Variants in PAXBP1 observed in about 807,000 individuals in gnomAD.
The protein encoded by PAXBP1 is PAX3- and PAX7-binding protein 1.
A neutral mutation model predicts 119.9 loss-of-function variants in PAXBP1; 44 were observed. The observed-to-expected ratio is 0.37, with a 90% confidence interval of 0.29 to 0.47. The LOEUF (loss-of-function observed/expected upper bound fraction) is 0.47, where lower values mean the gene tolerates loss of function less well. PAXBP1 is among the 20% of genes least tolerant of loss of function. The pLI is 0.99. For missense variants in PAXBP1, 898 were observed against 1,134.1 expected (o/e 0.79, Z 2.99); for synonymous variants, 393 against 406.6 (o/e 0.97, Z 0.40).
rs1401166971 is a variant in PAXBP1, at chr21:32,762,022, G to A, written c.871+74C>T. The A allele has an allele frequency of 4.7e-6, 7 of 1,492,330 alleles. No homozygotes were observed. In the African/African-American group the frequency reaches 8.3e-5, roughly 18 times the overall value. 92.4% of individuals were successfully genotyped at this position (1,492,330 alleles called of 1,614,324 possible). On this transcript the variant is annotated intron_variant, in intron 4 of 17. Transcript: ENST00000331923. Reference sequence around the variant, plus strand: ...ACCACTGCACTCTGGCCTAAGTGATGGAATGACACCCTGCCTTAAAACAAA... The same window carrying A: ...ACCACTGCACTCTGGCCTAAGTGATAGAATGACACCCTGCCTTAAAACAAA...
intron 2 of PAXBP1, among the ~76,000 whole-genome samples, chr21:32,768,113 G>A (rs1417987446): frequency 1.3e-5 from 2 of 152,098 alleles, no homozygotes; most frequent in African/African-American, 4.8e-5. Context: ...TAACAGGTGG[G>A]GCCCTTAAAT....
At chr21:32,754,113 T>G (rs1204861618) in intron 8 of PAXBP1, among the ~76,000 whole-genome samples, 1 of 152,192 alleles carries the variant, frequency 6.6e-6, no homozygotes, top group African/African-American at 2.4e-5. Context: ...AGGGCCGTAT[T>G]ACCATCTGTT....
At chr21:32,770,160 A>G (rs2044311060) in intron 1 of PAXBP1, among the ~76,000 whole-genome samples, 1 of 152,224 alleles carries the variant, frequency 6.6e-6, no homozygotes, top group Non-Finnish European at 1.5e-5. Context: ...TTTTTAAAGG[A>G]ATAGCACATG....
chr21:32,743,192 G>T (rs1027866070), intron 15 of PAXBP1, 56 bp downstream of exon 15: 1 of 1,285,986 alleles, frequency 7.8e-7, no homozygotes, highest in Non-Finnish European at 1.1e-6. Context: ...TCTAAAAAAT[G>T]TAATATATGA....
At chr21:32,748,881 G>A (rs1436107169) in intron 10 of PAXBP1, among the ~76,000 whole-genome samples, 183 bp from the exon 11 acceptor site, 4 of 152,192 alleles carry the variant, frequency 2.6e-5, no homozygotes, top group African/African-American at 9.7e-5. Context: ...TGTCTATTAT[G>A]TAAACTAAAG....
At chr21:32,756,446 T>G in intron 7 of PAXBP1, 6 of 488,198 alleles carry the variant, frequency 1.2e-5, no homozygotes, top group South Asian at 9.4e-5. Context: ...ACTTGCATGA[T>G]TCCATTGCAA....
chr21:32,768,025 T>C (rs2044272480), intron 2 of PAXBP1, among the ~76,000 whole-genome samples: 1 of 152,220 alleles, frequency 6.6e-6, no homozygotes, highest in Non-Finnish European at 1.5e-5. Flanking sequence ...TATATAATTA[T>C]TCATAACCAA....
intron 7 of PAXBP1, among the ~76,000 whole-genome samples, chr21:32,757,175 C>T (rs1337791245): frequency 2.0e-5 from 3 of 152,006 alleles, no homozygotes; most frequent in African/African-American, 7.2e-5. Context: ...GGATCTTTAT[C>T]TTTTTACGGT....
intron 8 of PAXBP1, among the ~76,000 whole-genome samples, chr21:32,752,319 C>T (rs60130684): frequency 0.21 from 31,354 of 151,996 alleles, 3,342 homozygotes; most frequent in East Asian, 0.34. Context: ...AAAGACTCCC[C>T]TAATCTCTTG....
At chr21:32,739,462 G>C (rs554091317) in intron 15 of PAXBP1, among the ~76,000 whole-genome samples, 6 of 152,168 alleles carry the variant, frequency 3.9e-5, no homozygotes, top group Non-Finnish European at 8.8e-5. Context: ...GCGGGACAGT[G>C]CTTGGTACAT....
intron 15 of PAXBP1, chr21:32,742,252 T>C (rs2043798138): frequency 6.6e-6 from 1 of 152,112 alleles, no homozygotes; most frequent in Non-Finnish European, 1.5e-5. Context: ...CCTTTTATTT[T>C]TTTTTTAAGG....
intron 13 of PAXBP1, among the ~76,000 whole-genome samples, chr21:32,744,498 G>C (rs1175713186): frequency 6.6e-6 from 1 of 151,964 alleles, no homozygotes; most frequent in Non-Finnish European, 1.5e-5. Flanking sequence ...TTGGGACTGA[G>C]GTGTGGTGGT....
At chr21:32,745,535 G>C in intron 12 of PAXBP1, 39 bp downstream of exon 12, 1 of 1,606,522 alleles carries the variant, frequency 6.2e-7, no homozygotes, top group Admixed American at 1.7e-5. Context: ...GAGAAAGCCA[G>C]TGTGTCTGAA....
chr21:32,753,576 A>G lies in PAXBP1; in HGVS notation c.1507+1654T>C, dbSNP rs907768352. ...TAAGAATTATACACAGTAATTGCAG[A>G]TAAGTGCTTATAAATCTAAACAGAA... On this transcript the variant is annotated intron_variant, in intron 8 of 17. Coordinates refer to ENST00000331923, the MANE Select transcript of PAXBP1 (RefSeq NM_016631.4). 2.6e-5 allele frequency among the ~76,000 whole-genome samples: 4 copies of G among 152,366 alleles called. 1 individual carries two copies. The highest frequency in any genetic ancestry group is 1.5e-5 in the Non-Finnish European group (1 of 68,038).
At chr21:32,756,833 TTTTCTC>T (rs2044051679) in intron 7 of PAXBP1, 1 of 154,778 alleles carries the variant, frequency 6.5e-6, no homozygotes. Flanking sequence ...ACAATGTAGT[TTTTCTC>T]TTTAGGTTAA....
chr21:32,745,816 T>C, intron 11 of PAXBP1, 98 bp from the exon 12 acceptor site: 1 of 1,449,346 alleles, frequency 6.9e-7, no homozygotes, highest in Non-Finnish European at 9.4e-7. Context: ...AACCTTTGGT[T>C]GCAAACAACT....
chr21:32,761,779 G>A (rs1015407228), intron 4 of PAXBP1, among the ~76,000 whole-genome samples: 4 of 152,184 alleles, frequency 2.6e-5, no homozygotes, highest in Non-Finnish European at 5.9e-5. Flanking sequence ...GCTCATGCCT[G>A]TAATCCCAGC....
At chr21:32,738,408 C>G in intron 15 of PAXBP1, 89 bp from the exon 16 acceptor site, 2 of 1,079,772 alleles carry the variant, frequency 1.9e-6, no homozygotes, top group Non-Finnish European at 2.6e-6. Context: ...ATATGAAATA[C>G]AGCAGACCAT....
intron 3 of PAXBP1, among the ~76,000 whole-genome samples, chr21:32,762,911 CAAA>C (rs763196446): frequency 4.2e-5 from 2 of 47,910 alleles, no homozygotes; most frequent in Non-Finnish European, 8.8e-5. Context: ...AACTCCGTCT[CAAA>C]AAAAAAAAAA....
Sources: gnomAD v4.1 joint callset for allele counts (sites outside exome capture counted in the v4.1 genomes callset) on GRCh38, gnomAD v4.1.1 for gene constraint, MANE v1.5 for transcripts, NCBI Gene and HGNC (gene_info 2026-07-23, HGNC 2026-07-21) for gene names.